The following GRIK2 variants were observed in gnomAD, a reference collection of about 807,000 sequenced individuals.
GRIK2 encodes glutamate ionotropic receptor kainate type subunit 2.
GRIK2 carries 32 observed loss-of-function variants against 100.3 expected under a neutral mutation model. That is an observed-to-expected ratio of 0.32 (90% CI 0.24 to 0.43). GRIK2 has a LOEUF of 0.43. Among genes scored for constraint, GRIK2 ranks in the 20% least tolerant of loss-of-function variants. GRIK2 has a pLI of 1.00. For synonymous variants in GRIK2, 417 were observed against 389.4 expected (o/e 1.07, Z -0.83); for missense variants, 843 against 1,114.9 (o/e 0.76, Z 3.47).
At chr6:101,704,222 GA>G (rs1224482497) in intron 7 of GRIK2, among the ~76,000 whole-genome samples, 1 of 151,618 alleles carries the variant, frequency 6.6e-6, no homozygotes, top group East Asian at 1.9e-4. Flanking sequence ...CCATGATGGA[GA>G]ATAAGACCTA....
chr6:101,749,995 G>T (rs1163735303), intron 7 of GRIK2, among the ~76,000 whole-genome samples: 1 of 150,386 alleles, frequency 6.6e-6, no homozygotes, highest in Non-Finnish European at 1.5e-5. Context: ...ACTTTTTTTT[G>T]GTAGGGACAG....
chr6:101,656,947 G>C (rs1348357013), intron 4 of GRIK2, among the ~76,000 whole-genome samples: 1 of 152,204 alleles, frequency 6.6e-6, no homozygotes, highest in Non-Finnish European at 1.5e-5. Flanking sequence ...TTTGGAGAAA[G>C]ACTTCCAGGG....
intron 12 of GRIK2, among the ~76,000 whole-genome samples, chr6:101,903,336 G>A (rs1354105092): frequency 6.6e-6 from 1 of 151,756 alleles, no homozygotes; most frequent in Non-Finnish European, 1.5e-5. Flanking sequence ...GAATTGTGAA[G>A]TAATGATTCA....
intron 10 of GRIK2, among the ~76,000 whole-genome samples, chr6:101,832,069 T>C (rs553388645): frequency 1.2e-4 from 18 of 152,078 alleles, no homozygotes; most frequent in Admixed American, 5.2e-4. Flanking sequence ...CCATTAAATC[T>C]CATCAGGTTA....
chr6:102,031,908 A>G (rs1770020749), intron 14 of GRIK2, among the ~76,000 whole-genome samples: 1 of 151,348 alleles, frequency 6.6e-6, no homozygotes, highest in Non-Finnish European at 1.5e-5. Flanking sequence ...AGTTAAACCA[A>G]CAAGGAAGAC....
At chr6:101,744,109 A>T in intron 7 of GRIK2, among the ~76,000 whole-genome samples, 1 of 151,778 alleles carries the variant, frequency 6.6e-6, no homozygotes, top group East Asian at 1.9e-4. Flanking sequence ...CGCCCGGCTA[A>T]TTTTTTGTGT....
At chr6:101,959,631 T>C (rs909640560) in intron 14 of GRIK2, among the ~76,000 whole-genome samples, 2 of 152,180 alleles carry the variant, frequency 1.3e-5, no homozygotes, top group African/African-American at 2.4e-5. Context: ...AGCTTTGGGT[T>C]TGGTCTGCTC....
At chr6:101,628,089 T>C (rs141366121) in intron 4 of GRIK2, among the ~76,000 whole-genome samples, 174 of 152,238 alleles carry the variant, frequency 1.1e-3, no homozygotes, top group African/African-American at 3.7e-3. Flanking sequence ...CATAATTACA[T>C]TGAGATTGAA....
At chr6:101,916,567 TAA>T (rs1044229800) in intron 12 of GRIK2, among the ~76,000 whole-genome samples, 1 of 151,586 alleles carries the variant, frequency 6.6e-6, no homozygotes, top group African/African-American at 2.4e-5. Context: ...TGGGAAATGA[TAA>T]AGATTGAAAT....
chr6:101,955,575 C>CTTCTCTCTCT (rs1791867098), intron 14 of GRIK2, among the ~76,000 whole-genome samples: 1 of 83,922 alleles, frequency 1.2e-5, no homozygotes, highest in African/African-American at 5.7e-5. Context: ...AGAGCAAGGC[C>CTTCTCTCTCT]TTCTCTCTCT....
intron 7 of GRIK2, among the ~76,000 whole-genome samples, chr6:101,712,718 T>G (rs1773802545): frequency 6.6e-6 from 1 of 151,824 alleles, no homozygotes; most frequent in Non-Finnish European, 1.5e-5. Flanking sequence ...TACAGCATTC[T>G]CAAATGCATC....
At chr6:101,754,659 G>A (rs1369204612) in intron 7 of GRIK2, among the ~76,000 whole-genome samples, 1 of 152,198 alleles carries the variant, frequency 6.6e-6, no homozygotes, top group Non-Finnish European at 1.5e-5. Flanking sequence ...TGTGAAGGAG[G>A]ACAGGGTACT....
At chr6:101,840,195 G>A (rs1315495533) in intron 10 of GRIK2, among the ~76,000 whole-genome samples, 2 of 152,120 alleles carry the variant, frequency 1.3e-5, no homozygotes, top group Admixed American at 1.3e-4. Context: ...AAGCATCTGG[G>A]ATTAAAAGAA....
At chr6:101,800,029 T>A (rs1221777521) in intron 8 of GRIK2, among the ~76,000 whole-genome samples, 1 of 152,150 alleles carries the variant, frequency 6.6e-6, no homozygotes, top group African/African-American at 2.4e-5. Context: ...TGAATCTTTA[T>A]TACTTTTCCT....
chr6:101,836,617 AGT>A (rs1222825292), intron 10 of GRIK2, among the ~76,000 whole-genome samples: 14 of 72,338 alleles, frequency 1.9e-4, no homozygotes, highest in East Asian at 2.2e-3. Flanking sequence ...CTATATATAT[AGT>A]TATATATATA....
chr6:101,597,704 A>G (rs1778988407), intron 2 of GRIK2, among the ~76,000 whole-genome samples: 1 of 151,780 alleles, frequency 6.6e-6, no homozygotes, highest in Admixed American at 6.6e-5. Flanking sequence ...GGTTTCCTGC[A>G]GCATTCCTGT....
At chr6:101,949,536 G>A (rs1160839759) in intron 14 of GRIK2, among the ~76,000 whole-genome samples, 1 of 152,040 alleles carries the variant, frequency 6.6e-6, no homozygotes, top group South Asian at 2.1e-4. Flanking sequence ...CGGCCCCAGT[G>A]TGTGATGTTC....
chr6:101,640,178 T>A (rs535066708), intron 4 of GRIK2, among the ~76,000 whole-genome samples: 21 of 152,186 alleles, frequency 1.4e-4, no homozygotes, highest in Non-Finnish European at 2.6e-4. Flanking sequence ...AAACTAAAGA[T>A]TCCTAGGCAA....
In GRIK2 at chr6:101,403,806, A is replaced by G. The variant is rs992453569; in HGVS notation, c.115+4414A>G. On this transcript the variant is annotated intron_variant, in intron 2 of 16. Coordinates refer to ENST00000369134, the MANE Select transcript of GRIK2 (RefSeq NM_021956.5). The stretch of plus-strand genomic sequence containing the variant: ...CGGGGATGGGGGAGTAATAGCGGCT[A>G]CTATCTGCAACAGATAAAGCCTGAA... Among the ~76,000 whole-genome samples, 5 of 152,304 alleles carry G rather than the reference A, an allele frequency of 3.3e-5. No individual in the cohort carries two copies. In the East Asian group the frequency reaches 9.7e-4, roughly 29 times the overall value.
Sources: gnomAD v4.1 joint callset for allele counts (sites outside exome capture counted in the v4.1 genomes callset) on GRCh38, gnomAD v4.1.1 for gene constraint, MANE v1.5 for transcripts, NCBI Gene and HGNC (gene_info 2026-07-23, HGNC 2026-07-21) for gene names.